Variants in GRM5 observed in about 807,000 individuals in gnomAD.
GRM5 encodes the protein glutamate metabotropic receptor 5.
GRM5 carries 19 observed loss-of-function variants against 83.1 expected under a neutral mutation model. That is an observed-to-expected ratio of 0.23 (90% CI 0.16 to 0.34). GRM5 has a LOEUF of 0.34. Among genes scored for constraint, GRM5 ranks in the 10% least tolerant of loss-of-function variants. The pLI, the probability that GRM5 is intolerant of heterozygous loss-of-function variation, is 1.00. For synonymous variants in GRM5, 675 were observed against 633.6 expected, an observed-to-expected ratio of 1.07 and a Z score of -0.98; for missense variants, 1,160 against 1,588.3, an observed-to-expected ratio of 0.73 and a Z score of 4.58.
intron 3 of GRM5, among the ~76,000 whole-genome samples, chr11:88,794,728 C>T (rs1039501603): frequency 8.5e-5 from 13 of 152,180 alleles, no homozygotes; most frequent in African/African-American, 2.6e-4. Context: ...TGATGATGAA[C>T]GAGTGTTAAG....
chr11:88,540,223 C>T (rs1158579695), intron 8 of GRM5, among the ~76,000 whole-genome samples: 2 of 152,206 alleles, frequency 1.3e-5, no homozygotes, highest in African/African-American at 2.4e-5. Flanking sequence ...AGCCTTCTTC[C>T]TTCACCTTTC....
intron 2 of GRM5, among the ~76,000 whole-genome samples, chr11:89,033,322 C>T (rs1473766118): frequency 6.6e-6 from 1 of 151,716 alleles, no homozygotes; most frequent in Admixed American, 6.6e-5. Context: ...TTTCCACTGA[C>T]CTTGAAACCA....
At chr11:88,890,654 T>G (rs1277030880) in intron 2 of GRM5, among the ~76,000 whole-genome samples, 1 of 152,064 alleles carries the variant, frequency 6.6e-6, no homozygotes, top group East Asian at 1.9e-4. Flanking sequence ...AGATACTAGG[T>G]TTGCTAAATG....
At chr11:89,054,632 A>T (rs11018444) in intron 1 of GRM5, among the ~76,000 whole-genome samples, 1 of 151,742 alleles carries the variant, frequency 6.6e-6, no homozygotes, top group Non-Finnish European at 1.5e-5. Flanking sequence ...GTTGTGCCCC[A>T]GGGAATTCCA....
chr11:88,505,242 C>T lies in GRM5; in HGVS notation c.*3350G>A, dbSNP rs925024439. ...TGACAGCTTGAGGGTTATTAATAAGCTGTTGCTAAATGTGAACTCACATAA... is the reference window on the plus strand; with the variant it reads ...TGACAGCTTGAGGGTTATTAATAAGTTGTTGCTAAATGTGAACTCACATAA... On this transcript the variant is annotated 3_prime_UTR_variant, in exon 10 of 10. Coordinates refer to ENST00000305447, the MANE Select transcript of GRM5 (RefSeq NM_001143831.3). 11 of 152,170 alleles carry T rather than the reference C, an allele frequency of 7.2e-5. No homozygotes were observed. The highest frequency in any genetic ancestry group is 2.7e-4 in the African/African-American group (11 of 41,440). 9.4% of individuals were successfully genotyped at this position (152,170 alleles called of 1,614,324 possible).
chr11:88,761,376 A>C (rs1942511832), intron 3 of GRM5, among the ~76,000 whole-genome samples: 1 of 152,012 alleles, frequency 6.6e-6, no homozygotes, highest in African/African-American at 2.4e-5. Flanking sequence ...AACCAACATT[A>C]AAATGTTCAC....
At chr11:88,691,528 A>G (rs1940780146) in intron 3 of GRM5, among the ~76,000 whole-genome samples, 1 of 152,222 alleles carries the variant, frequency 6.6e-6, no homozygotes, top group African/African-American at 2.4e-5. Context: ...TCTCTTTATC[A>G]TTGACTGTTT....
intron 3 of GRM5, among the ~76,000 whole-genome samples, chr11:88,833,992 G>C (rs532674427): frequency 5.9e-5 from 9 of 152,194 alleles, no homozygotes; most frequent in African/African-American, 2.2e-4. Context: ...AAGAGAGGTT[G>C]GTTAATGGGT....
At position 88,772,821 on chromosome 11, in the gene GRM5, T is replaced by C. The variant is rs190778528; in HGVS notation, c.911+77085A>G. 9.5e-3 allele frequency among the ~76,000 whole-genome samples: 1,450 copies of C among 152,336 alleles called. 24 individuals are homozygous for C. Among genetic ancestry groups the C allele is most frequent in the African/African-American group, 0.033 (1,379 of 41,574 alleles). On this transcript the variant is annotated intron_variant, in intron 3 of 9. Transcript: ENST00000305447. ...TGCATAGTATTCCATGGTGTATATG[T>C]GACACATTTTCTTAATCCAGTCTAT...
At chr11:88,681,377 T>C (rs1940482436) in intron 3 of GRM5, among the ~76,000 whole-genome samples, 1 of 151,950 alleles carries the variant, frequency 6.6e-6, no homozygotes, top group South Asian at 2.1e-4. Flanking sequence ...GCTAACATTC[T>C]TTTTTGCAAT....
intron 3 of GRM5, among the ~76,000 whole-genome samples, chr11:88,678,629 C>T (rs1426855345): frequency 6.6e-6 from 1 of 151,948 alleles, no homozygotes; most frequent in Non-Finnish European, 1.5e-5. Context: ...AGCTTTGATG[C>T]CATAAGAGTT....
chr11:89,025,222 C>T (rs1941101027), intron 2 of GRM5, among the ~76,000 whole-genome samples: 1 of 152,154 alleles, frequency 6.6e-6, no homozygotes. Flanking sequence ...AGGAAGCAAC[C>T]TTAACTCTGT....
chr11:88,538,399 G>A (rs893495812), intron 8 of GRM5, among the ~76,000 whole-genome samples: 3 of 152,150 alleles, frequency 2.0e-5, no homozygotes, highest in Non-Finnish European at 4.4e-5. Flanking sequence ...ATCCTAAGGT[G>A]CTTTACAAGC....
At chr11:88,989,159 G>C (rs374040738) in intron 2 of GRM5, among the ~76,000 whole-genome samples, 1 of 148,744 alleles carries the variant, frequency 6.7e-6, no homozygotes, top group Non-Finnish European at 1.5e-5. Flanking sequence ...TAAAAGGATG[G>C]AGGAAGATCT....
intron 2 of GRM5, among the ~76,000 whole-genome samples, chr11:88,872,054 T>C (rs1590928347): frequency 6.6e-6 from 1 of 151,450 alleles, no homozygotes; most frequent in Non-Finnish European, 1.5e-5. Context: ...ATCATTCAAC[T>C]AACAGAAAAA....
intron 3 of GRM5, among the ~76,000 whole-genome samples, chr11:88,733,753 G>A (rs895439752): frequency 3.9e-5 from 6 of 151,976 alleles, no homozygotes; most frequent in Non-Finnish European, 5.9e-5. Flanking sequence ...TAAACTTCTC[G>A]AGAACGTGTA....
chr11:88,800,219 G>C (rs1009754045), intron 3 of GRM5, among the ~76,000 whole-genome samples: 3 of 152,074 alleles, frequency 2.0e-5, no homozygotes, highest in Non-Finnish European at 2.9e-5. Flanking sequence ...TGCCAAAGTT[G>C]CTCTAAAAAT....
intron 3 of GRM5, among the ~76,000 whole-genome samples, chr11:88,665,158 T>C (rs1386813753): frequency 1.2e-4 from 1 of 8,492 alleles, no homozygotes; most frequent in African/African-American, 2.4e-4. Flanking sequence ...TAATTTAATT[T>C]ATTTACACAC....
chr11:88,975,147 G>T (rs1388566619), intron 2 of GRM5, among the ~76,000 whole-genome samples: 2 of 152,138 alleles, frequency 1.3e-5, no homozygotes, highest in African/African-American at 4.8e-5. Context: ...TCTGCAGGTA[G>T]GTGCTAGTTA....
Sources: allele counts gnomAD v4.1 joint callset (sites outside exome capture counted in the v4.1 genomes callset), GRCh38; gene constraint gnomAD v4.1.1; transcripts MANE v1.5; gene names NCBI Gene and HGNC (gene_info 2026-07-23, HGNC 2026-07-21).